EMG1: variants seen among roughly 807,000 people sequenced by gnomAD.
EMG1 encodes the protein ribosomal RNA small subunit methyltransferase NEP1.
Under a neutral mutation model 26.9 loss-of-function variants are expected in EMG1, and 24 were observed. The ratio of observed to expected loss-of-function variants is 0.89; its 90% CI spans 0.65 to 1.26. The LOEUF is 1.26. EMG1 is among the 50% of genes most tolerant of loss of function. EMG1 has a pLI of 0.00. For synonymous variants in EMG1, 140 were observed against 112.6 expected (o/e 1.24, Z -1.54); for missense variants, 299 against 307.6 (o/e 0.97, Z 0.21).
intron 7 of EMG1, among the ~76,000 whole-genome samples, chr12:6,994,211 C>CT (rs1198864732): frequency 2.6e-5 from 4 of 151,824 alleles, no homozygotes; most frequent in Non-Finnish European, 5.9e-5. Context: ...GGATCTTTTT[C>CT]TTTTTTTTCC....
downstream of EMG1, chr12:6,983,456 G>A: frequency 1.8e-5 from 29 of 1,608,906 alleles, no homozygotes; most frequent in Non-Finnish European, 2.5e-5. Context: ...GCAATTGAGA[G>A]GCCTGTAAAG....
Position 6,977,597 on chromosome 12 carries a change from C to G in EMG1, c.*1788C>G. On this transcript the variant is annotated 3_prime_UTR_variant, in exon 6 of 6. Coordinates refer to ENST00000599672, the MANE Select transcript of EMG1 (RefSeq NM_006331.8). The surrounding 1 kb of genome is among the most constrained non-coding windows in gnomAD (Gnocchi z 4.5). ...CCTTCACCCCCACCCTGGAGGCCTA[C>G]CTGTCTTTCCACAATAACAATGAGG... 2 of 1,614,212 alleles carry G rather than the reference C, an allele frequency of 1.2e-6. No individual in the cohort carries two copies. The highest frequency in any genetic ancestry group is 1.7e-6 in the Non-Finnish European group (2 of 1,180,050).
chr12:6,978,145 G>A lies in EMG1; in HGVS notation c.*2336G>A. On this transcript the variant is annotated 3_prime_UTR_variant, in exon 6 of 6. Coordinates refer to ENST00000599672, the MANE Select transcript of EMG1 (RefSeq NM_006331.8). ...AGGTCTTAACGCACTTTTATATCTTGCCTTTTTTTCAAATATGACAGTAAT... is the reference window on the plus strand; with the variant it reads ...AGGTCTTAACGCACTTTTATATCTTACCTTTTTTTCAAATATGACAGTAAT... 1.5e-6 allele frequency: 1 copy of A among 656,578 alleles called. No individual in the cohort carries two copies. Among genetic ancestry groups the A allele is most frequent in the South Asian group, 2.0e-5 (1 of 50,538 alleles). 40.7% of individuals were successfully genotyped at this position (656,578 alleles called of 1,614,324 possible).
At position 6,979,521 on chromosome 12, in the gene EMG1, G is replaced by C. The variant is rs1555153789; in HGVS notation, c.*3712G>C. The C allele has an allele frequency of 1.2e-6, 2 of 1,614,162 alleles. No individual in the cohort carries two copies. Among genetic ancestry groups the C allele is most frequent in the East Asian group, 2.2e-5 (1 of 44,882 alleles). On this transcript the variant is annotated 3_prime_UTR_variant, in exon 6 of 6. Transcript: ENST00000599672. ...TCTTCTGTGATGTGGGGGCTGAGCA[G>C]TGTGTAGCCCACTAGGTAGAAAAGG...
downstream of EMG1, among the ~76,000 whole-genome samples, chr12:6,984,349 C>G (rs1946501370): frequency 6.6e-6 from 1 of 152,186 alleles, no homozygotes; most frequent in African/African-American, 2.4e-5. Flanking sequence ...TAAAAACGGT[C>G]AATAAAATTT....
At chr12:6,991,659 T>C (rs1946591193), downstream of EMG1, among the ~76,000 whole-genome samples, 2 of 152,364 alleles carry the variant, frequency 1.3e-5, no homozygotes, top group South Asian at 4.1e-4. Context: ...TTGTTTACCT[T>C]GAAGTGACAG....
Position 6,974,604 on chromosome 12 carries a change from T to C in EMG1, c.323T>C (p.Val108Ala). Reference sequence around the variant, plus strand: ...CTGAACCGAGCTGGCTTGCTACAGGTTTATATCCATACACAGAAGAATGTT... The same window carrying C: ...CTGAACCGAGCTGGCTTGCTACAGGCTTATATCCATACACAGAAGAATGTT... Reference protein sequence around the residue: ...SPLNRAGLLQVYIHTQKNVLI... With the variant: ...SPLNRAGLLQAYIHTQKNVLI... Residue 108 changes from valine (V) to alanine (A), a missense_variant, in exon 3 of 6, where the codon GTT becomes GCT. Val to Ala is a moderately conservative substitution (Grantham distance 64). Coordinates refer to ENST00000599672, the MANE Select transcript of EMG1 (RefSeq NM_006331.8). 1 of 1,613,892 alleles carries C rather than the reference T, an allele frequency of 6.2e-7. No homozygotes were observed. Among genetic ancestry groups the C allele is most frequent in the Non-Finnish European group, 8.5e-7 (1 of 1,179,874 alleles).
chr12:6,976,272 A>C lies in EMG1; in HGVS notation c.*463A>C, dbSNP rs1354718160. ...CAGGCAGGGCCTTGCACCCCTCTCC[A>C]CCCCCCCATGGGGGGGGTGGTGGTA... On this transcript the variant is annotated 3_prime_UTR_variant, in exon 6 of 6. Transcript: ENST00000599672. 6.6e-6 allele frequency: 1 copy of C among 152,248 alleles called. No individual in the cohort carries two copies. The highest frequency in any genetic ancestry group is 1.5e-5 in the Non-Finnish European group (1 of 68,542). 9.4% of individuals were successfully genotyped at this position (152,248 alleles called of 1,614,324 possible). A position where few individuals can be genotyped will look rare whatever the true frequency, so the allele number is the denominator to read the frequency against.
Position 6,977,499 on chromosome 12 carries a change from G to A in EMG1, c.*1690G>A, listed in dbSNP as rs141446248. ...TAATGGCGGCCAGCTTGCTCAGGGTGGGGCTCTCTTGAATGAGCCTGGCAG... is the reference window on the plus strand; with the variant it reads ...TAATGGCGGCCAGCTTGCTCAGGGTAGGGCTCTCTTGAATGAGCCTGGCAG... On this transcript the variant is annotated 3_prime_UTR_variant, in exon 6 of 6. Coordinates refer to ENST00000599672, the MANE Select transcript of EMG1 (RefSeq NM_006331.8). This position sits in a 1 kb window ranked among gnomAD's most constrained non-coding sequence, Gnocchi z 4.5. 2.0e-5 allele frequency: 32 copies of A among 1,614,088 alleles called. No homozygotes were observed. Among genetic ancestry groups the A allele is most frequent in the Non-Finnish European group, 2.7e-5 (32 of 1,180,046 alleles).
chr12:6,978,465 C>G lies in EMG1; in HGVS notation c.*2656C>G. The G allele has an allele frequency of 6.2e-7, 1 of 1,614,106 alleles. No homozygotes were observed. The highest frequency in any genetic ancestry group is 8.5e-7 in the Non-Finnish European group (1 of 1,179,988). On this transcript the variant is annotated 3_prime_UTR_variant, in exon 6 of 6. Coordinates refer to ENST00000599672, the MANE Select transcript of EMG1 (RefSeq NM_006331.8). ...TCCCACTTTGCCTTGCCCTTTTCTT[C>G]AAAGCCATTGAAGCCCAGGCCCGTC...
Position 6,979,372 on chromosome 12 carries a change from G to A in EMG1, c.*3563G>A. On this transcript the variant is annotated 3_prime_UTR_variant, in exon 6 of 6. Transcript: ENST00000599672. ...AGAGCAAAACCAACATGCACTTGTA[G>A]ATGATATTTCCTACTTCTCTGCTAT... is the stretch of plus-strand genomic sequence containing the variant. 1 of 866,148 alleles carries A rather than the reference G, an allele frequency of 1.2e-6. No homozygotes were observed. The highest frequency in any genetic ancestry group is 1.9e-6 in the Non-Finnish European group (1 of 534,004). 53.7% of individuals were successfully genotyped at this position (866,148 alleles called of 1,614,324 possible).
chr12:6,981,156 T>C (rs782297467), downstream of EMG1: 9 of 1,612,000 alleles, frequency 5.6e-6, no homozygotes, highest in Admixed American at 1.3e-4. Flanking sequence ...GTATGGCATA[T>C]TTCTGTTGCT....
At chr12:6,990,877 A>G (rs1029362596), downstream of EMG1, among the ~76,000 whole-genome samples, 1 of 147,312 alleles carries the variant, frequency 6.8e-6, no homozygotes, top group East Asian at 2.0e-4. Context: ...AGATCACGCC[A>G]CTGTGCTCCA....
At chr12:6,974,513 C>T (rs1946370170) in intron 2 of EMG1, 39 bp from the exon 3 acceptor site, 1 of 1,610,236 alleles carries the variant, frequency 6.2e-7, no homozygotes, top group Non-Finnish European at 8.5e-7. Flanking sequence ...TGCTGCCTCT[C>T]TTCAGCCTTA....
chr12:6,990,805 T>A (rs1946582217), downstream of EMG1, among the ~76,000 whole-genome samples: 1 of 149,592 alleles, frequency 6.7e-6, no homozygotes, highest in African/African-American at 2.5e-5. Flanking sequence ...TGATCCCAGC[T>A]ACTTGGGAGG....
At chr12:6,991,045 C>T (rs781918755), downstream of EMG1, among the ~76,000 whole-genome samples, 5 of 151,074 alleles carry the variant, frequency 3.3e-5, no homozygotes, top group South Asian at 2.1e-4. Context: ...TAAATGTAAA[C>T]CACTATATTT....
At position 6,987,959 on chromosome 12, in the gene EMG1, C is replaced by G. The variant is rs1479209712; in HGVS notation, c.*211+121C>G. On this transcript the variant is annotated intron_variant and NMD_transcript_variant, in intron 7 of 7. Transcript: ENST00000261406. The surrounding 1 kb of genome is among the most constrained non-coding windows in gnomAD (Gnocchi z 4.1). ...TTGCTACTCTGGGATCAACAGTCAC[C>G]TCTTGAACTTTTGGGGTGCTTGGCA... 1.8e-5 allele frequency: 7 copies of G among 397,718 alleles called. No individual in the cohort carries two copies. The highest frequency in any genetic ancestry group is 1.3e-5 in the Non-Finnish European group (3 of 224,924). The allele number at this position is 397,718 out of a possible 1,614,324, so 24.6% of individuals were successfully genotyped here.
intron 7 of EMG1, among the ~76,000 whole-genome samples, chr12:6,995,191 C>T (rs954839879): frequency 2.7e-5 from 4 of 150,484 alleles, no homozygotes; most frequent in Admixed American, 6.6e-5. Flanking sequence ...GTGTGTTTTC[C>T]TGCCAGGGCA....
chr12:6,978,564 C>T lies in EMG1; in HGVS notation c.*2755C>T. On this transcript the variant is annotated 3_prime_UTR_variant, in exon 6 of 6. Transcript: ENST00000599672. ...CCACTCCCCATACTGGCCCCCATGG[C>T]TTGTCTAAATAGGACCTTGTTTCAA... The T allele has an allele frequency of 6.2e-7, 1 of 1,613,318 alleles. No individual in the cohort carries two copies. Among genetic ancestry groups the T allele is most frequent in the South Asian group, 1.1e-5 (1 of 90,950 alleles).
Sources: gnomAD v4.1 joint callset for allele counts (sites outside exome capture counted in the v4.1 genomes callset) on GRCh38, gnomAD v4.1.1 for gene constraint, Gnocchi (gnomAD v3.1) non-coding constraint, MANE v1.5 for transcripts, NCBI Gene and HGNC (gene_info 2026-07-23, HGNC 2026-07-21) for gene names.